SRPK2: variants seen among roughly 807,000 people sequenced by gnomAD.
The protein encoded by SRPK2 is SFRS protein kinase 2.
Under a neutral mutation model 90.8 loss-of-function variants are expected in SRPK2, and 21 were observed. That is an observed-to-expected ratio of 0.23 (90% CI 0.16 to 0.33). The LOEUF (loss-of-function observed/expected upper bound fraction) is 0.33, where lower values mean the gene tolerates loss of function less well. SRPK2 is among the 10% of genes least tolerant of loss of function. The probability of loss-of-function intolerance (pLI) is 1.00; values close to 1 mark genes in which losing one functional copy is unlikely to be tolerated. For missense variants in SRPK2, 620 were observed against 869.0 expected, an observed-to-expected ratio of 0.71 and a Z score of 3.60; for synonymous variants, 288 against 311.1, an observed-to-expected ratio of 0.93 and a Z score of 0.78.
chr7:105,140,235 G>C (rs1803508522), intron 11 of SRPK2, among the ~76,000 whole-genome samples: 1 of 152,146 alleles, frequency 6.6e-6, no homozygotes, highest in Non-Finnish European at 1.5e-5. Context: ...TAAAACCCAT[G>C]GATATGGAGG....
chr7:105,243,645 A>AAAAAAACAC, intron 2 of SRPK2, among the ~76,000 whole-genome samples: 1 of 151,108 alleles, frequency 6.6e-6, no homozygotes, highest in South Asian at 2.1e-4. Flanking sequence ...AAAAAAAAAA[A>AAAAAAACAC]AAAAACCACA....
intron 2 of SRPK2, among the ~76,000 whole-genome samples, chr7:105,303,452 T>TA (rs1294495836): frequency 2.0e-5 from 3 of 151,736 alleles, no homozygotes; most frequent in African/African-American, 4.9e-5. Context: ...CCCTAGAACT[T>TA]AAAGTATAAT....
At chr7:105,253,986 C>A (rs1802862813) in intron 2 of SRPK2, among the ~76,000 whole-genome samples, 1 of 152,094 alleles carries the variant, frequency 6.6e-6, no homozygotes, top group African/African-American at 2.4e-5. Flanking sequence ...AATCACATAA[C>A]TTCTTGAAAT....
chr7:105,169,369 A>G (rs979900092), intron 3 of SRPK2, 104 bp from the exon 4 acceptor site: 8 of 799,128 alleles, frequency 1.0e-5, no homozygotes, highest in Non-Finnish European at 1.6e-5. Context: ...AAAGCTCTAC[A>G]TAATACATGC....
chr7:105,250,925 G>T lies in SRPK2; in HGVS notation c.72-47140C>A, dbSNP rs1191099661. The stretch of plus-strand genomic sequence containing the variant: ...GGATAATAACTTTGTTTTTCTTCAG[G>T]AGCTAGAGGTACTGCCAAGCAGAGC... On this transcript the variant is annotated intron_variant, in intron 2 of 15. Transcript: ENST00000393651. Among the ~76,000 whole-genome samples the T allele has an allele frequency of 2.0e-5, 3 of 152,138 alleles. No individual in the cohort carries two copies. In the South Asian group the frequency reaches 6.2e-4, roughly 32 times the overall value.
chr7:105,234,029 G>GT (rs1448734880), intron 2 of SRPK2, among the ~76,000 whole-genome samples: 1 of 151,756 alleles, frequency 6.6e-6, no homozygotes. Context: ...TTAATAATTA[G>GT]TATCTATTAT....
In SRPK2 at chr7:105,169,919, G is replaced by A. The variant is rs530197140; in HGVS notation, c.230-654C>T. Among the ~76,000 whole-genome samples, 9 of 152,228 alleles carry A rather than the reference G, an allele frequency of 5.9e-5. No homozygotes were observed. The South Asian group carries it at 1.9e-3, about 32-fold the overall frequency. ...CAACCTCTGATTCCCAGGCTGAAGA[G>A]GTCCTCCCACCTCAGCCTCCCAGGT... is the stretch of plus-strand genomic sequence containing the variant. On this transcript the variant is annotated intron_variant, in intron 3 of 15. Coordinates refer to ENST00000393651, the MANE Select transcript of SRPK2 (RefSeq NM_182692.3).
At chr7:105,389,281 TC>T, upstream of SRPK2, 1 of 1,277,370 alleles carries the variant, frequency 7.8e-7, no homozygotes, top group Non-Finnish European at 1.0e-6. Flanking sequence ...CATGCGCCCG[TC>T]CTTGGCCGGC....
rs997095276 is a variant in SRPK2 at position 105,137,265 on chromosome 7, C to T, written c.1544-4161G>A. On this transcript the variant is annotated intron_variant, in intron 11 of 15. Coordinates refer to ENST00000393651, the MANE Select transcript of SRPK2 (RefSeq NM_182692.3). ...CAGAGAATGGGTCTGGAGCAGGCAC[C>T]AACAGAGACCTGCCAGGGAACACAC... Among the ~76,000 whole-genome samples the T allele has an allele frequency of 2.0e-5, 3 of 152,144 alleles. No individual in the cohort carries two copies. In the East Asian group the frequency reaches 5.8e-4, roughly 29 times the overall value.
At chr7:105,310,412 C>T (rs932251708) in intron 2 of SRPK2, among the ~76,000 whole-genome samples, 3 of 151,976 alleles carry the variant, frequency 2.0e-5, no homozygotes, top group Admixed American at 6.6e-5. Context: ...ATAGGCTGGG[C>T]GTGGTGGCTC....
chr7:105,367,106 C>T (rs907386209), intron 2 of SRPK2, among the ~76,000 whole-genome samples: 1 of 150,460 alleles, frequency 6.6e-6, no homozygotes, highest in Non-Finnish European at 1.5e-5. Context: ...AGGATAGTCT[C>T]GAACTCCTGA....
At chr7:105,248,559 T>C (rs983545466) in intron 2 of SRPK2, among the ~76,000 whole-genome samples, 2 of 151,560 alleles carry the variant, frequency 1.3e-5, no homozygotes, top group African/African-American at 4.9e-5. Context: ...GCTATGATCA[T>C]ACCACTACAC....
At chr7:105,251,044 T>C (rs1228422034) in intron 2 of SRPK2, among the ~76,000 whole-genome samples, 2 of 152,204 alleles carry the variant, frequency 1.3e-5, no homozygotes, top group African/African-American at 4.8e-5. Context: ...GAAATGAGGA[T>C]GAAATGGACA....
At chr7:105,149,392 T>C (rs558999891) in intron 7 of SRPK2, among the ~76,000 whole-genome samples, 16 of 152,288 alleles carry the variant, frequency 1.1e-4, no homozygotes, top group African/African-American at 9.6e-5. Flanking sequence ...ACATAGATTC[T>C]ATTGCTCACG....
At chr7:105,246,364 G>C (rs576148853) in intron 2 of SRPK2, among the ~76,000 whole-genome samples, 3 of 152,284 alleles carry the variant, frequency 2.0e-5, no homozygotes, top group South Asian at 4.1e-4. Context: ...ATTACGGTCA[G>C]GAAAGATTAG....
At chr7:105,177,759 A>G (rs1224944502) in intron 3 of SRPK2, among the ~76,000 whole-genome samples, 3 of 152,216 alleles carry the variant, frequency 2.0e-5, no homozygotes, top group Admixed American at 6.5e-5. Context: ...ACGGTGGCTC[A>G]CGCCTGTAAT....
At chr7:105,262,613 C>A (rs1473220683) in intron 2 of SRPK2, among the ~76,000 whole-genome samples, 1 of 152,180 alleles carries the variant, frequency 6.6e-6, no homozygotes, top group African/African-American at 2.4e-5. Context: ...GCCTCTAGTA[C>A]CCAGTTACAA....
chr7:105,376,518 T>C (rs975277009), intron 2 of SRPK2, among the ~76,000 whole-genome samples: 1 of 151,558 alleles, frequency 6.6e-6, no homozygotes, highest in African/African-American at 2.4e-5. Flanking sequence ...TACTAGCTCC[T>C]TGCCATCCTT....
intron 2 of SRPK2, among the ~76,000 whole-genome samples, chr7:105,283,135 G>C (rs1807566233): frequency 6.6e-6 from 1 of 152,160 alleles, no homozygotes; most frequent in African/African-American, 2.4e-5. Flanking sequence ...CGAAAAGACA[G>C]ATAATACCTA....
Sources: allele counts gnomAD v4.1 joint callset (sites outside exome capture counted in the v4.1 genomes callset), GRCh38; gene constraint gnomAD v4.1.1; transcripts MANE v1.5; gene names NCBI Gene and HGNC (gene_info 2026-07-23, HGNC 2026-07-21).